EML4: variants seen among roughly 807,000 people sequenced by gnomAD.
The protein encoded by EML4 is EMAP like 4, also known as echinoderm microtubule-associated protein-like 4.
Under a neutral mutation model 129.0 loss-of-function variants are expected in EML4, and 72 were observed. The ratio of observed to expected loss-of-function variants is 0.56; its 90% CI spans 0.46 to 0.68. EML4 has a LOEUF of 0.68. Among genes scored for constraint, EML4 ranks in the 30% least tolerant of loss-of-function variants. The pLI, the probability that EML4 is intolerant of heterozygous loss-of-function variation, is 0.00. For missense variants in EML4, 1,363 were observed against 1,190.6 expected (o/e 1.14, Z -2.13); for synonymous variants, 532 against 405.0 (o/e 1.31, Z -3.77).
At chr2:42,297,362 G>A (rs1237522313) in intron 13 of EML4, among the ~76,000 whole-genome samples, 3 of 152,080 alleles carry the variant, frequency 2.0e-5, no homozygotes, top group Non-Finnish European at 2.9e-5. Flanking sequence ...ATACCCTTTT[G>A]TTAGCCTTAA....
intron 1 of EML4, among the ~76,000 whole-genome samples, chr2:42,197,072 T>G (rs1671934732): frequency 6.6e-6 from 1 of 152,086 alleles, no homozygotes; most frequent in Admixed American, 6.6e-5. Flanking sequence ...GTAAATTGTG[T>G]CTTTATTTAT....
At chr2:42,184,729 A>G (rs111905943) in intron 1 of EML4, among the ~76,000 whole-genome samples, 2,846 of 152,028 alleles carry the variant, frequency 0.019, 67 homozygotes, top group African/African-American at 0.066. Flanking sequence ...TTTCTGTCCT[A>G]TTTTCTGAAA....
chr2:42,195,966 T>C (rs887632392), intron 1 of EML4, among the ~76,000 whole-genome samples: 1 of 152,194 alleles, frequency 6.6e-6, no homozygotes, highest in Non-Finnish European at 1.5e-5. Flanking sequence ...CAGACAAATA[T>C]ATCTTTGATG....
chr2:42,199,536 A>G (rs1572528249), intron 1 of EML4, among the ~76,000 whole-genome samples: 1 of 152,226 alleles, frequency 6.6e-6, no homozygotes, highest in East Asian at 1.9e-4. Flanking sequence ...AGACAGGACA[A>G]TGCTGTTATC....
intron 1 of EML4, among the ~76,000 whole-genome samples, chr2:42,197,747 T>G (rs1231805963): frequency 6.6e-6 from 1 of 152,200 alleles, no homozygotes; most frequent in Non-Finnish European, 1.5e-5. Flanking sequence ...AGCAAAATAG[T>G]GAATAAATGT....
At chr2:42,210,299 G>A (rs1416633133) in intron 1 of EML4, among the ~76,000 whole-genome samples, 1 of 152,088 alleles carries the variant, frequency 6.6e-6, no homozygotes, top group Non-Finnish European at 1.5e-5. Flanking sequence ...AGCAGCTTTG[G>A]TGTATCAGAT....
intron 1 of EML4, among the ~76,000 whole-genome samples, chr2:42,216,605 A>G (rs1644265604): frequency 6.6e-6 from 1 of 152,162 alleles, no homozygotes; most frequent in Non-Finnish European, 1.5e-5. Flanking sequence ...TACTCTCATT[A>G]ATATGTTACC....
At chr2:42,218,414 G>A (rs1212417466) in intron 1 of EML4, among the ~76,000 whole-genome samples, 3 of 152,032 alleles carry the variant, frequency 2.0e-5, no homozygotes, top group Non-Finnish European at 4.4e-5. Flanking sequence ...CATAATAAGT[G>A]TAATGTGTTT....
In EML4 at chr2:42,264,739, A is replaced by T. The variant is rs1372151164; in HGVS notation, c.667+8A>T. 6.8e-7 allele frequency: 1 copy of T among 1,461,936 alleles called. No individual in the cohort carries two copies. The highest frequency in any genetic ancestry group is 9.5e-7 in the Non-Finnish European group (1 of 1,058,012). 90.6% of individuals were successfully genotyped at this position (1,461,936 alleles called of 1,614,324 possible). On this transcript the variant is annotated splice_region_variant and intron_variant, in intron 6 of 22. Transcript: ENST00000318522. The stretch of plus-strand genomic sequence containing the variant: ...ATGTCATCATCAACCAAGGTAAATT[A>T]AAAATCCTTTTAAAAATTTTATTTT...
chr2:42,312,264 G>GCC lies in EML4; in HGVS notation c.1968-3690_1968-3689dup, dbSNP rs144694209. On this transcript the variant is annotated intron_variant, in intron 17 of 22. Transcript: ENST00000318522. ...TTATAAATCAAAAATAAAATTCTAAGCCCCCCCCCACCATCGTCCCTGCCA... is the reference window on the plus strand; with the variant it reads ...TTATAAATCAAAAATAAAATTCTAAGCCCCCCCCCCCACCATCGTCCCTGCCA... Among the ~76,000 whole-genome samples the GCC allele has an allele frequency of 2.5e-4, 37 of 150,474 alleles. 1 individual carries two copies. The South Asian group carries it at 3.8e-3, about 15-fold the overall frequency.
chr2:42,300,885 GAC>G (rs1668246940), intron 13 of EML4, among the ~76,000 whole-genome samples: 1 of 152,102 alleles, frequency 6.6e-6, no homozygotes, highest in Non-Finnish European at 1.5e-5. Flanking sequence ...TCAGAAGAGT[GAC>G]ACCTACCCTA....
chr2:42,214,783 C>A (rs1003540157), intron 1 of EML4, among the ~76,000 whole-genome samples: 2 of 152,128 alleles, frequency 1.3e-5, no homozygotes, highest in Non-Finnish European at 2.9e-5. Context: ...GTATCTGTGG[C>A]CTCTGGTATG....
chr2:42,188,578 C>T (rs13399428), intron 1 of EML4, among the ~76,000 whole-genome samples: 1 of 151,698 alleles, frequency 6.6e-6, no homozygotes, highest in African/African-American at 2.4e-5. Context: ...CAGAGTCTTG[C>T]TTTGTCACCC....
rs527843782 is a variant in EML4 at position 42,184,322 on chromosome 2, G to A, written c.25+14686G>A. ...ATATGTATACATGTGCCATGTTGGT[G>A]TGCTGCACCCATTAGCTCGTCATTT... On this transcript the variant is annotated intron_variant, in intron 1 of 22. Transcript: ENST00000318522. Among the ~76,000 whole-genome samples, 3 of 151,744 alleles carry A rather than the reference G, an allele frequency of 2.0e-5. No homozygotes were observed. In the South Asian group the frequency reaches 6.3e-4, roughly 32 times the overall value.
chr2:42,328,591 C>T (rs555869304), intron 21 of EML4, among the ~76,000 whole-genome samples: 75 of 152,250 alleles, frequency 4.9e-4, no homozygotes, highest in South Asian at 4.2e-3. Context: ...GTAAGTCAAG[C>T]TGAAAGTAAA....
intron 19 of EML4, among the ~76,000 whole-genome samples, chr2:42,320,695 T>C (rs2103807255): frequency 6.6e-6 from 1 of 152,316 alleles, no homozygotes; most frequent in Admixed American, 6.5e-5. Context: ...AGTGTCCTGA[T>C]TGACCTAAAG....
At chr2:42,232,146 C>G (rs1332477229) in intron 1 of EML4, among the ~76,000 whole-genome samples, 1 of 152,084 alleles carries the variant, frequency 6.6e-6, no homozygotes, top group Non-Finnish European at 1.5e-5. Context: ...ACAGCTGAGA[C>G]TGGGTCTCAC....
rs1398196714 is a variant in EML4, at chr2:42,328,881, C to T, written c.2342-5C>T. On this transcript the variant is annotated splice_region_variant and splice_polypyrimidine_tract_variant and intron_variant, in intron 21 of 22. Transcript: ENST00000318522. ...TTTCTGCATCCCTGTGTTTCCATAT[C>T]AAAGGTGTCTGGCCAGAAGGATCTG... 1 of 1,592,358 alleles carries T rather than the reference C, an allele frequency of 6.3e-7. No individual in the cohort carries two copies. Among genetic ancestry groups the T allele is most frequent in the Non-Finnish European group, 8.6e-7 (1 of 1,167,930 alleles).
At position 42,235,605 on chromosome 2, in the gene EML4, A is replaced by C. The variant is rs549487328; in HGVS notation, c.26-9900A>C. Among the ~76,000 whole-genome samples, 9 of 152,340 alleles carry C rather than the reference A, an allele frequency of 5.9e-5. No individual in the cohort carries two copies. The East Asian group carries it at 1.7e-3, about 29-fold the overall frequency. ...ACCTATAAGGGCTGCACAGTATCTC[A>C]GCATAAGTGCTTTAGGAAGGGGAGA... On this transcript the variant is annotated intron_variant, in intron 1 of 22. Coordinates refer to ENST00000318522, the MANE Select transcript of EML4 (RefSeq NM_019063.5).
Sources: gnomAD v4.1 joint callset for allele counts (sites outside exome capture counted in the v4.1 genomes callset) on GRCh38, gnomAD v4.1.1 for gene constraint, MANE v1.5 for transcripts, NCBI Gene and HGNC (gene_info 2026-07-23, HGNC 2026-07-21) for gene names.